Variants in ERC2 observed in about 807,000 individuals in gnomAD.
The protein encoded by ERC2 is ERC protein 2.
A neutral mutation model predicts 114.8 loss-of-function variants in ERC2; 42 were observed. That is an observed-to-expected ratio of 0.37 (90% CI 0.29 to 0.47). ERC2 has a LOEUF of 0.47. ERC2 is among the 20% of genes least tolerant of loss of function. ERC2 has a pLI of 0.99. For synonymous variants in ERC2, 454 were observed against 425.5 expected (o/e 1.07, Z -0.82); for missense variants, 939 against 1,150.7 (o/e 0.82, Z 2.66).
At chr3:56,194,309 T>C (rs573410429) in intron 3 of ERC2, among the ~76,000 whole-genome samples, 1 of 152,296 alleles carries the variant, frequency 6.6e-6, no homozygotes, top group South Asian at 2.1e-4. Flanking sequence ...AAAAGGTATT[T>C]GCAGATATAA....
chr3:56,465,209 G>A (rs577717740), intron 1 of ERC2, among the ~76,000 whole-genome samples: 1 of 152,268 alleles, frequency 6.6e-6, no homozygotes, highest in East Asian at 1.9e-4. Flanking sequence ...GACCAGCCTG[G>A]CCAACATGGT....
intron 3 of ERC2, among the ~76,000 whole-genome samples, chr3:56,181,170 T>G (rs924885023): frequency 2.0e-5 from 3 of 152,226 alleles, no homozygotes; most frequent in African/African-American, 7.2e-5. Flanking sequence ...TCAATAAACC[T>G]CTCAGTACAT....
At chr3:56,233,321 C>G (rs1384330404) in intron 3 of ERC2, among the ~76,000 whole-genome samples, 1 of 152,192 alleles carries the variant, frequency 6.6e-6, no homozygotes, top group East Asian at 1.9e-4. Context: ...ATAAATTTAA[C>G]AGCTTACAAC....
intron 13 of ERC2, among the ~76,000 whole-genome samples, chr3:55,925,710 A>G (rs1157201385): frequency 6.6e-6 from 1 of 152,138 alleles, no homozygotes; most frequent in Non-Finnish European, 1.5e-5. Flanking sequence ...TAAAGACAAA[A>G]CCAAGTTTGG....
intron 3 of ERC2, among the ~76,000 whole-genome samples, chr3:56,219,896 C>A (rs908904037): frequency 6.6e-6 from 1 of 152,276 alleles, no homozygotes; most frequent in South Asian, 2.1e-4. Flanking sequence ...CTGGGCCTCC[C>A]ATTTTGGCAT....
At chr3:55,930,045 C>G (rs990023529) in intron 13 of ERC2, among the ~76,000 whole-genome samples, 2 of 152,134 alleles carry the variant, frequency 1.3e-5, no homozygotes, top group African/African-American at 4.8e-5. Context: ...TCGAGACCAG[C>G]CTGGCCAACA....
chr3:56,404,690 C>T (rs917638037), intron 2 of ERC2, among the ~76,000 whole-genome samples: 2 of 151,036 alleles, frequency 1.3e-5, no homozygotes, highest in African/African-American at 4.9e-5. Flanking sequence ...TAAACATATA[C>T]ACCTACTATG....
At position 56,305,708 on chromosome 3, in the gene ERC2, C is replaced by A. The variant is rs183322178; in HGVS notation, c.658-9273G>T. ...TGCATATCCTCACCCAGAAATTTTACCCTTAGGTACCTGAATTTGCCATAC... is the reference window on the plus strand; with the variant it reads ...TGCATATCCTCACCCAGAAATTTTAACCTTAGGTACCTGAATTTGCCATAC... On this transcript the variant is annotated intron_variant, in intron 2 of 17. Coordinates refer to ENST00000288221, the MANE Select transcript of ERC2 (RefSeq NM_015576.3). 7.9e-5 allele frequency among the ~76,000 whole-genome samples: 12 copies of A among 152,370 alleles called. No homozygotes were observed. The East Asian group carries it at 2.3e-3, about 29-fold the overall frequency.
chr3:55,925,293 G>T (rs11717853), intron 13 of ERC2, among the ~76,000 whole-genome samples: 2 of 152,258 alleles, frequency 1.3e-5, no homozygotes, highest in South Asian at 2.1e-4. Flanking sequence ...GAACATCTTA[G>T]GTACGGCAGT....
intron 13 of ERC2, among the ~76,000 whole-genome samples, chr3:55,891,445 T>TG (rs1267135123): frequency 1.1e-5 from 1 of 94,652 alleles, no homozygotes; most frequent in East Asian, 2.3e-4. Context: ...CTATTTTTTT[T>TG]TTTTTTTTTT....
At chr3:56,099,338 T>C (rs1213433093) in intron 6 of ERC2, among the ~76,000 whole-genome samples, 1 of 152,228 alleles carries the variant, frequency 6.6e-6, no homozygotes, top group East Asian at 1.9e-4. Context: ...GTTATGGCTG[T>C]CCTAGAAAAC....
At chr3:56,190,168 G>T (rs1272908020) in intron 3 of ERC2, among the ~76,000 whole-genome samples, 1 of 152,174 alleles carries the variant, frequency 6.6e-6, no homozygotes, top group African/African-American at 2.4e-5. Context: ...TCTGGTAACA[G>T]TGGTCCCTTC....
intron 14 of ERC2, among the ~76,000 whole-genome samples, chr3:55,815,388 G>A (rs915647081): frequency 1.3e-5 from 2 of 152,142 alleles, no homozygotes; most frequent in Admixed American, 6.5e-5. Flanking sequence ...TTATTCTGGC[G>A]GGACTAACAT....
intron 13 of ERC2, among the ~76,000 whole-genome samples, chr3:55,923,993 T>A (rs1405528842): frequency 6.6e-6 from 1 of 152,164 alleles, no homozygotes; most frequent in Non-Finnish European, 1.5e-5. Context: ...ACTAAAATGT[T>A]ACATATTAAA....
chr3:55,992,070 C>T lies in ERC2; in HGVS notation c.2242G>A (p.Ala748Thr), dbSNP rs375230426. The T allele has an allele frequency of 3.7e-5, 60 of 1,613,012 alleles. No homozygotes were observed. The highest frequency in any genetic ancestry group is 4.8e-5 in the Non-Finnish European group (57 of 1,179,542). Residue 748 changes from alanine (A) to threonine (T), a missense_variant, in exon 11 of 18, where the codon GCA (alanine) becomes ACA (threonine). Ala to Thr is a moderately conservative substitution (Grantham distance 58). Around this residue, in one of 5 missense-constraint regions of ERC2, gnomAD observed 328 missense variants for 353.9 expected, o/e 0.93. Coordinates refer to ENST00000288221, the MANE Select transcript of ERC2 (RefSeq NM_015576.3). Reference sequence around the variant, plus strand: ...TGTAAAATTTACCTCTCCAGTTCTGCGATCTTCTTGTCCTTGTCATTCTTC... The same window carrying T: ...TGTAAAATTTACCTCTCCAGTTCTGTGATCTTCTTGTCCTTGTCATTCTTC... ...NEKNDKDKKI[A>T]ELESLTLRHM...
intron 17 of ERC2, among the ~76,000 whole-genome samples, chr3:55,672,216 G>A (rs1358986123): frequency 6.6e-6 from 1 of 151,526 alleles, no homozygotes; most frequent in African/African-American, 2.4e-5. Flanking sequence ...GGTGGTGTGT[G>A]CCTCCTAGCT....
intron 15 of ERC2, among the ~76,000 whole-genome samples, chr3:55,703,786 G>T (rs980894150): frequency 6.6e-6 from 1 of 152,212 alleles, no homozygotes; most frequent in Non-Finnish European, 1.5e-5. Context: ...TTTTGATGTG[G>T]CAGTTTAACT....
intron 14 of ERC2, among the ~76,000 whole-genome samples, chr3:55,865,766 T>G (rs2062281596): frequency 6.6e-6 from 1 of 152,200 alleles, no homozygotes; most frequent in African/African-American, 2.4e-5. Flanking sequence ...TCTCTCATAT[T>G]GCAGCATCTA....
At chr3:56,055,085 C>A (rs2075954673) in intron 7 of ERC2, among the ~76,000 whole-genome samples, 1 of 152,182 alleles carries the variant, frequency 6.6e-6, no homozygotes, top group African/African-American at 2.4e-5. Context: ...TATACACTAT[C>A]AAAGCCCCAC....
Sources: gnomAD v4.1 joint callset for allele counts (sites outside exome capture counted in the v4.1 genomes callset) on GRCh38, gnomAD v4.1.1 for gene constraint, gnomAD v4.1.1 regional missense constraint, MANE v1.5 for transcripts, NCBI Gene and HGNC (gene_info 2026-07-23, HGNC 2026-07-21) for gene names.